CD1B: variants seen among roughly 807,000 people sequenced by gnomAD.
The protein encoded by CD1B is CD1b molecule.
A neutral mutation model predicts 39.8 loss-of-function variants in CD1B; 43 were observed. The observed-to-expected ratio is 1.08, with a 90% CI of 0.85 to 1.39. The LOEUF is 1.39. CD1B is among the 40% of genes most tolerant of loss of function. The probability of loss-of-function intolerance (pLI) is 0.00; values close to 1 mark genes in which losing one functional copy is unlikely to be tolerated. For missense variants in CD1B, 495 were observed against 403.8 expected (o/e 1.23, Z -1.94); for synonymous variants, 192 against 152.5 (o/e 1.26, Z -1.91).
At chr1:158,321,977 C>G in the CD1B span, among the ~76,000 whole-genome samples, 1 of 152,082 alleles carries the variant, frequency 6.6e-6, no homozygotes, top group African/African-American at 2.4e-5. Flanking sequence ...CCATGTATAA[C>G]AAGTTATTTT....
At chr1:158,312,389 C>A in the CD1B span, among the ~76,000 whole-genome samples, 2 of 152,204 alleles carry the variant, frequency 1.3e-5, no homozygotes, top group African/African-American at 4.8e-5. Context: ...GACTGTGAGG[C>A]CACCCCAGCT....
chr1:158,329,009 G>A lies in CD1B; in HGVS notation c.892C>T (p.Pro298Ser). 6.2e-7 allele frequency: 1 copy of A among 1,612,396 alleles called. No homozygotes were observed. ...GQDIILYWRN[P>S]TSIGSIVLAI... The stretch of plus-strand genomic sequence containing the variant: ...AAAACAATTGAGCCAATGGAGGTGG[G>A]GTTTCCTGGCAATTGAGAGAGGACA... Residue 298 changes from proline (P) to serine (S), a missense_variant, in exon 5 of 6, where the codon CCC (proline) becomes TCC (serine). Pro to Ser is a moderately conservative substitution (Grantham distance 74, BLOSUM62 -1). Coordinates refer to ENST00000368168, the MANE Select transcript of CD1B (RefSeq NM_001764.3).
chr1:158,311,816 A>G, the CD1B span, among the ~76,000 whole-genome samples: 1 of 151,962 alleles, frequency 6.6e-6, no homozygotes. Flanking sequence ...AAAGGCATGG[A>G]TTTATTTCTG....
chr1:158,298,787 G>T, the CD1B span, among the ~76,000 whole-genome samples: 469 of 152,232 alleles, frequency 3.1e-3, 4 homozygotes, highest in African/African-American at 0.011. Context: ...ATTGTGAATG[G>T]GAGTTCACTC....
the CD1B span, among the ~76,000 whole-genome samples, chr1:158,296,826 T>C: frequency 5.9e-5 from 9 of 152,338 alleles, 1 homozygote; most frequent in East Asian, 1.7e-3. Flanking sequence ...AAAGGCAGAA[T>C]AGACCACACT....
At chr1:158,296,314 T>C in the CD1B span, among the ~76,000 whole-genome samples, 1,864 of 152,150 alleles carry the variant, frequency 0.012, 38 homozygotes, top group African/African-American at 0.04. Flanking sequence ...TCTTAGAGCA[T>C]ATAGCCCAGG....
At chr1:158,328,355 C>T in intron 5 of CD1B, 98 bp from the exon 6 acceptor site, 2 of 930,362 alleles carry the variant, frequency 2.1e-6, no homozygotes, top group East Asian at 2.6e-5. Context: ...GTGAAAGCAA[C>T]CCAAGTGTCC....
chr1:158,312,135 A>T, the CD1B span, among the ~76,000 whole-genome samples: 1 of 152,146 alleles, frequency 6.6e-6, no homozygotes, highest in African/African-American at 2.4e-5. Flanking sequence ...AACATAAAAT[A>T]CGATATGATT....
At chr1:158,331,196 C>T in intron 1 of CD1B, 134 bp from the exon 2 acceptor site, 1 of 1,132,666 alleles carries the variant, frequency 8.8e-7, no homozygotes, top group Non-Finnish European at 1.3e-6. Context: ...ACACATTTGA[C>T]TGCCTTAAGG....
the CD1B span, among the ~76,000 whole-genome samples, chr1:158,296,589 T>C: frequency 6.6e-6 from 1 of 152,154 alleles, no homozygotes; most frequent in Non-Finnish European, 1.5e-5. Context: ...CAATCTTTCC[T>C]AACCAGACTA....
the CD1B span, chr1:158,291,082 G>T: frequency 2.6e-6 from 4 of 1,519,236 alleles, no homozygotes; most frequent in Admixed American, 2.0e-5. Flanking sequence ...CATTTTCCTT[G>T]CCTCTCTTTT....
chr1:158,319,141 C>T, the CD1B span, among the ~76,000 whole-genome samples: 4 of 150,968 alleles, frequency 2.6e-5, no homozygotes, highest in African/African-American at 9.8e-5. Context: ...AATTATGTGT[C>T]TTGGAGTTGC....
At chr1:158,307,870 G>C in the CD1B span, among the ~76,000 whole-genome samples, 2,235 of 152,164 alleles carry the variant, frequency 0.015, 55 homozygotes, top group African/African-American at 0.049. Context: ...AAACCCACAG[G>C]CAATATCATA....
chr1:158,322,031 A>G, the CD1B span, among the ~76,000 whole-genome samples: 10 of 152,230 alleles, frequency 6.6e-5, no homozygotes, highest in African/African-American at 2.4e-4. Context: ...AAAGGAAACA[A>G]AAATATTGTA....
chr1:158,306,612 A>G, the CD1B span, among the ~76,000 whole-genome samples: 2 of 152,166 alleles, frequency 1.3e-5, no homozygotes, highest in African/African-American at 2.4e-5. Flanking sequence ...TCCACCCCAA[A>G]TCAACAGAAT....
chr1:158,324,100 A>C (rs1652272783), downstream of CD1B, among the ~76,000 whole-genome samples: 1 of 152,244 alleles, frequency 6.6e-6, no homozygotes, highest in Admixed American at 6.5e-5. Context: ...TTTAACGGAC[A>C]GAAGAGATTT....
At chr1:158,317,389 G>C in the CD1B span, among the ~76,000 whole-genome samples, 1 of 152,132 alleles carries the variant, frequency 6.6e-6, no homozygotes, top group Non-Finnish European at 1.5e-5. Context: ...GTTTAGTCTT[G>C]GGAGAGTGTA....
At chr1:158,299,101 A>C in the CD1B span, among the ~76,000 whole-genome samples, 1 of 152,154 alleles carries the variant, frequency 6.6e-6, no homozygotes, top group Non-Finnish European at 1.5e-5. Flanking sequence ...CCAGTTTTCA[A>C]AGGGAATGCT....
the CD1B span, among the ~76,000 whole-genome samples, chr1:158,306,282 A>C: frequency 6.6e-6 from 1 of 152,224 alleles, no homozygotes; most frequent in East Asian, 1.9e-4. Context: ...TTGCAAACCT[A>C]GTCTCTGATA....
Sources: gnomAD v4.1 joint callset for allele counts (sites outside exome capture counted in the v4.1 genomes callset) on GRCh38, gnomAD v4.1.1 for gene constraint, MANE v1.5 for transcripts, NCBI Gene and HGNC (gene_info 2026-07-23, HGNC 2026-07-21) for gene names.